Variants in AFF1 observed in about 807,000 individuals in gnomAD.
AFF1 encodes the protein AF4/FMR2 family member 1.
A neutral mutation model predicts 121.7 loss-of-function variants in AFF1; 48 were observed. The ratio of observed to expected loss-of-function variants is 0.39; its 90% CI spans 0.31 to 0.50. The LOEUF is 0.50. AFF1 is among the 20% of genes least tolerant of loss of function. The pLI is 0.76. For synonymous variants in AFF1, 613 were observed against 563.0 expected (o/e 1.09, Z -1.26); for missense variants, 1,523 against 1,511.7 (o/e 1.01, Z -0.12).
intron 2 of AFF1, among the ~76,000 whole-genome samples, chr4:86,971,670 A>T (rs897682010): frequency 1.3e-5 from 2 of 152,246 alleles, no homozygotes; most frequent in Non-Finnish European, 2.9e-5. Flanking sequence ...TTAGATAAAT[A>T]GCAATACTCT....
At chr4:86,988,828 A>G (rs115928123) in intron 2 of AFF1, among the ~76,000 whole-genome samples, 5,551 of 152,310 alleles carry the variant, frequency 0.036, 136 homozygotes, top group Middle Eastern at 0.061. Context: ...TGATTCTGGT[A>G]CCAAAACAGA....
chr4:86,941,391 G>A (rs2149441497), intron 1 of AFF1, among the ~76,000 whole-genome samples: 1 of 152,000 alleles, frequency 6.6e-6, no homozygotes, highest in South Asian at 2.1e-4. Context: ...GCCGCAGTGG[G>A]TCACGCCTGT....
At chr4:86,965,142 T>C (rs965505221) in intron 2 of AFF1, among the ~76,000 whole-genome samples, 33 of 152,362 alleles carry the variant, frequency 2.2e-4, no homozygotes, top group African/African-American at 7.5e-4. Context: ...TGAAAGTCTG[T>C]AACTGTTAAG....
chr4:86,980,691 A>G (rs1723665307), intron 2 of AFF1, among the ~76,000 whole-genome samples: 1 of 152,222 alleles, frequency 6.6e-6, no homozygotes, highest in African/African-American at 2.4e-5. Context: ...TCATTTGCTT[A>G]TATTAAAAGA....
intron 12 of AFF1, among the ~76,000 whole-genome samples, chr4:87,124,012 G>T (rs1011431680): frequency 6.6e-6 from 1 of 152,158 alleles, no homozygotes; most frequent in Non-Finnish European, 1.5e-5. Context: ...TAGACAGTAT[G>T]TGGGCTTCCT....
At position 87,007,136 on chromosome 4, in the gene AFF1, CGGCGCTCCCCG is replaced by C. The variant is rs951418301; in HGVS notation, c.39-39026_39-39016del. ...CGCTCGCTTGCCCCGGATTCGGACG[CGGCGCTCCCCG>C]GGCTCGTCTGAAGTGCAGATCGCCG... On this transcript the variant is annotated intron_variant, in intron 2 of 20. Coordinates refer to ENST00000395146, the MANE Select transcript of AFF1 (RefSeq NM_001166693.3). 106 of 1,268,516 alleles carry C rather than the reference CGGCGCTCCCCG, an allele frequency of 8.4e-5. No homozygotes were observed. The Middle Eastern group carries it at 9.0e-4, about 11-fold the overall frequency. 78.6% of individuals were successfully genotyped at this position (1,268,516 alleles called of 1,614,324 possible).
At chr4:87,054,802 A>G (rs1274440119) in intron 4 of AFF1, among the ~76,000 whole-genome samples, 2 of 152,234 alleles carry the variant, frequency 1.3e-5, no homozygotes, top group Non-Finnish European at 2.9e-5. Flanking sequence ...CAGGTTTTTT[A>G]GAGCAGAAGC....
chr4:87,052,826 G>T (rs764801593), intron 4 of AFF1, among the ~76,000 whole-genome samples: 1 of 151,948 alleles, frequency 6.6e-6, no homozygotes, highest in Non-Finnish European at 1.5e-5. Context: ...AACTGATAGG[G>T]CTCTGTGATT....
chr4:87,109,541 C>T lies in AFF1; in HGVS notation c.1533+1226C>T, dbSNP rs576492088. Among the ~76,000 whole-genome samples, 5 of 152,222 alleles carry T rather than the reference C, an allele frequency of 3.3e-5. No individual in the cohort carries two copies. The South Asian group carries it at 1.0e-3, about 32-fold the overall frequency. Reference sequence around the variant, plus strand: ...TGCTATTGAAATAATTTTTCTATGCCTCAGGGAAAAGGATACTGAATATGC... The same window carrying T: ...TGCTATTGAAATAATTTTTCTATGCTTCAGGGAAAAGGATACTGAATATGC... On this transcript the variant is annotated intron_variant, in intron 11 of 20. Coordinates refer to ENST00000395146, the MANE Select transcript of AFF1 (RefSeq NM_001166693.3).
chr4:87,113,597 G>A (rs147310791), intron 11 of AFF1, among the ~76,000 whole-genome samples: 1 of 152,150 alleles, frequency 6.6e-6, no homozygotes, highest in Non-Finnish European at 1.5e-5. Flanking sequence ...AGTTCACGTG[G>A]GATTAATGCT....
intron 10 of AFF1, among the ~76,000 whole-genome samples, chr4:87,107,723 A>G (rs1036545957): frequency 6.6e-6 from 1 of 152,258 alleles, no homozygotes; most frequent in African/African-American, 2.4e-5. Flanking sequence ...TTTGTGGGCC[A>G]TATATGTCTC....
intron 4 of AFF1, among the ~76,000 whole-genome samples, chr4:87,079,622 G>T (rs1177123600): frequency 6.6e-6 from 1 of 152,198 alleles, no homozygotes; most frequent in African/African-American, 2.4e-5. Flanking sequence ...TAGAAAACTG[G>T]TATAACAGTA....
intron 2 of AFF1, among the ~76,000 whole-genome samples, chr4:87,003,603 G>T (rs35245331): frequency 0.13 from 20,491 of 152,110 alleles, 1,863 homozygotes; most frequent in Middle Eastern, 0.23. Flanking sequence ...AGTTCAAAAA[G>T]TATAATTTTA....
rs35682600 is a variant in AFF1, at chr4:86,944,140, TAAAAAAAAAA to T, written c.-36-4344_-36-4335del. On this transcript the variant is annotated intron_variant, in intron 1 of 20. Transcript: ENST00000395146. ...GCCTGGGTGACAGAGCAAGACCCTG[TAAAAAAAAAA>T]AAAAAAAAAAAAAGTCTTCCCTAGT... Among the ~76,000 whole-genome samples, 7 of 96,170 alleles carry T rather than the reference TAAAAAAAAAA, an allele frequency of 7.3e-5. 1 individual carries two copies. Among genetic ancestry groups the T allele is most frequent in the African/African-American group, 2.0e-4 (5 of 24,636 alleles). The allele number at this position is 96,170 out of a possible 152,430, so 63.1% of individuals were successfully genotyped here. A position where few individuals can be genotyped will look rare whatever the true frequency, so the allele number is the denominator to read the frequency against.
chr4:87,095,277 CCTGA>C (rs1302012837), intron 8 of AFF1, among the ~76,000 whole-genome samples: 6 of 152,152 alleles, frequency 3.9e-5, no homozygotes, highest in African/African-American at 1.4e-4. Context: ...CACCACCATG[CCTGA>C]CTAATTTTTG....
At chr4:86,967,365 G>A (rs1405422977) in intron 2 of AFF1, among the ~76,000 whole-genome samples, 1 of 152,218 alleles carries the variant, frequency 6.6e-6, no homozygotes, top group Non-Finnish European at 1.5e-5. Context: ...TTGAGGAACT[G>A]AATGAAGTTC....
At chr4:86,982,757 AGAATCGCTT>A (rs1389135985) in intron 2 of AFF1, among the ~76,000 whole-genome samples, 1 of 147,694 alleles carries the variant, frequency 6.8e-6, no homozygotes, top group Non-Finnish European at 1.5e-5. Context: ...CTGAGGCAGG[AGAATCGCTT>A]GAACCCAGGA....
intron 1 of AFF1, among the ~76,000 whole-genome samples, chr4:86,939,305 C>T (rs1422778203): frequency 6.6e-6 from 1 of 152,152 alleles, no homozygotes. Flanking sequence ...GACTCAAAGC[C>T]TGGTGCCCTT....
intron 2 of AFF1, among the ~76,000 whole-genome samples, chr4:87,025,101 GTGTTTAGTATT>G (rs1212945911): frequency 6.6e-6 from 1 of 152,100 alleles, no homozygotes; most frequent in Non-Finnish European, 1.5e-5. Context: ...ACCATCTATT[GTGTTTAGTATT>G]GAGTTATCTC....
Sources: allele counts gnomAD v4.1 joint callset (sites outside exome capture counted in the v4.1 genomes callset), GRCh38; gene constraint gnomAD v4.1.1; transcripts MANE v1.5; gene names NCBI Gene and HGNC (gene_info 2026-07-23, HGNC 2026-07-21).